The following UNKL variants were observed in gnomAD, a reference collection of about 807,000 sequenced individuals.
UNKL encodes unk like zinc finger.
UNKL carries 60 observed loss-of-function variants against 78.0 expected under a neutral mutation model. The ratio of observed to expected loss-of-function variants is 0.77; its 90% CI spans 0.63 to 0.95. UNKL has a LOEUF of 0.95. UNKL is among the 40% of genes least tolerant of loss of function. UNKL has a pLI of 0.00. For synonymous variants in UNKL, 608 were observed against 474.8 expected (o/e 1.28, Z -3.65); for missense variants, 1,159 against 1,045.7 (o/e 1.11, Z -1.49).
In UNKL at chr16:1,365,844, C is replaced by G. The variant is rs1472863989; in HGVS notation, c.*396G>C. Reference sequence around the variant, plus strand: ...CAATTTATAACCTCTAACTAAATTCCTCGGTTTACAAAGTGCTTTGAAAGA... The same window carrying G: ...CAATTTATAACCTCTAACTAAATTCGTCGGTTTACAAAGTGCTTTGAAAGA... On this transcript the variant is annotated 3_prime_UTR_variant, in exon 15 of 15. Coordinates refer to ENST00000389221, the MANE Select transcript of UNKL (RefSeq NM_001372107.1). The G allele has an allele frequency of 5.9e-6, 1 of 169,042 alleles. No individual in the cohort carries two copies. Among genetic ancestry groups the G allele is most frequent in the African/African-American group, 2.4e-5 (1 of 42,094 alleles). The allele number at this position is 169,042 out of a possible 1,614,324, so 10.5% of individuals were successfully genotyped here.
In UNKL at chr16:1,397,312, G is replaced by T. The variant is rs2037315029; in HGVS notation, c.735-17C>A. The T allele has an allele frequency of 1.4e-6, 1 of 736,576 alleles. No individual in the cohort carries two copies. Among genetic ancestry groups the T allele is most frequent in the Non-Finnish European group, 1.9e-6 (1 of 534,896 alleles). The allele number at this position is 736,576 out of a possible 1,614,324, so 45.6% of individuals were successfully genotyped here. A position where few individuals can be genotyped will look rare whatever the true frequency, so the allele number is the denominator to read the frequency against. On this transcript the variant is annotated splice_polypyrimidine_tract_variant and intron_variant, in intron 5 of 14. Transcript: ENST00000389221. Reference sequence around the variant, plus strand: ...GGCGTGGACCTGGGGATGAGGAGGTGTCAGGGGGACACAGAGGACTTGGCT... The same window carrying T: ...GGCGTGGACCTGGGGATGAGGAGGTTTCAGGGGGACACAGAGGACTTGGCT...
chr16:1,398,641 A>C, intron 5 of UNKL: 1 of 1,437,600 alleles, frequency 7.0e-7, no homozygotes, highest in Non-Finnish European at 9.1e-7. Flanking sequence ...AGGGAGGCCA[A>C]GGCCATGGCC....
intron 2 of UNKL, among the ~76,000 whole-genome samples, chr16:1,410,056 T>C (rs953695594): frequency 2.0e-5 from 3 of 151,906 alleles, no homozygotes; most frequent in Admixed American, 6.6e-5. Context: ...TCCAGTCTGG[T>C]AGATAAAGCG....
At chr16:1,379,732 A>G (rs1023365022) in intron 10 of UNKL, 3 of 942,656 alleles carry the variant, frequency 3.2e-6, no homozygotes, top group South Asian at 4.9e-5. Context: ...CCGCAACGTG[A>G]CTCGGCCCCG....
intron 8 of UNKL, 25 bp from the exon 9 acceptor site, chr16:1,390,719 G>A (rs1337669326): frequency 6.5e-7 from 1 of 1,535,580 alleles, no homozygotes; most frequent in African/African-American, 1.4e-5. Flanking sequence ...ACAGTCATAT[G>A]TGGAAAAAGC....
At chr16:1,390,722 G>A in intron 8 of UNKL, 28 bp from the exon 9 acceptor site, 1 of 1,535,102 alleles carries the variant, frequency 6.5e-7, no homozygotes, top group Non-Finnish European at 8.7e-7. Context: ...GTCATATGTG[G>A]AAAAAGCAGG....
intron 12 of UNKL, among the ~76,000 whole-genome samples, chr16:1,368,588 G>A (rs2035503865): frequency 2.8e-5 from 3 of 107,114 alleles, no homozygotes; most frequent in African/African-American, 3.6e-5. Context: ...CGGCCTGGGC[G>A]ACAGAATGAG....
At chr16:1,367,511 T>TGTCTCA in intron 13 of UNKL, 145 bp downstream of exon 13, 1 of 106,518 alleles carries the variant, frequency 9.4e-6, no homozygotes, top group Non-Finnish European at 1.3e-5. Context: ...CCTCCCTCCC[T>TGTCTCA]CCCCCTCCCG....
intron 10 of UNKL, among the ~76,000 whole-genome samples, chr16:1,377,250 C>T (rs2036304932): frequency 6.6e-6 from 1 of 152,230 alleles, no homozygotes; most frequent in South Asian, 2.1e-4. Flanking sequence ...ATGAACTCCC[C>T]ACCTCAGGTG....
At chr16:1,368,063 G>T in intron 12 of UNKL, 1 of 543,120 alleles carries the variant, frequency 1.8e-6, no homozygotes, top group East Asian at 3.1e-5. Context: ...AGTGACACCT[G>T]CCCCGGCCGG....
Position 1,363,939 on chromosome 16 carries a change from G to A in UNKL, c.*2301C>T, listed in dbSNP as rs1321044208. 6.6e-6 allele frequency: 1 copy of A among 152,170 alleles called. No homozygotes were observed. The highest frequency in any genetic ancestry group is 2.4e-5 in the African/African-American group (1 of 41,422). The allele number at this position is 152,170 out of a possible 1,614,324, so 9.4% of individuals were successfully genotyped here. A position where few individuals can be genotyped will look rare whatever the true frequency, so the allele number is the denominator to read the frequency against. ...AGCCCTGGAGACACCCTGAGGGGCGGGCGCCACCTCCTTCCCAGAAAGAGC... is the reference window on the plus strand; with the variant it reads ...AGCCCTGGAGACACCCTGAGGGGCGAGCGCCACCTCCTTCCCAGAAAGAGC... On this transcript the variant is annotated 3_prime_UTR_variant, in exon 15 of 15. Coordinates refer to ENST00000389221, the MANE Select transcript of UNKL (RefSeq NM_001372107.1).
At chr16:1,401,920 C>CA (rs1374488290) in intron 3 of UNKL, among the ~76,000 whole-genome samples, 1 of 152,216 alleles carries the variant, frequency 6.6e-6, no homozygotes, top group Non-Finnish European at 1.5e-5. Context: ...TTGTTTGAGA[C>CA]AGGGTCTGGC....
chr16:1,392,991 G>T lies in UNKL; in HGVS notation c.938-15C>A. ...CCCCAGGCTCTCTGCAAGGACAGGG[G>T]AGCAGCAGACTCTGAGGGCCGCTGG... On this transcript the variant is annotated splice_polypyrimidine_tract_variant and intron_variant, in intron 7 of 14. Coordinates refer to ENST00000389221, the MANE Select transcript of UNKL (RefSeq NM_001372107.1). 6.5e-7 allele frequency: 1 copy of T among 1,550,378 alleles called. No individual in the cohort carries two copies. Among genetic ancestry groups the T allele is most frequent in the Non-Finnish European group, 8.7e-7 (1 of 1,146,932 alleles).
At chr16:1,398,827 G>A (rs2142182945) in intron 5 of UNKL, 1 of 1,558,808 alleles carries the variant, frequency 6.4e-7, no homozygotes. Flanking sequence ...GCCAGACCCA[G>A]GGGACAGCTG....
rs907693503 is a variant in UNKL, at chr16:1,387,403, T to C, written c.1087-2018A>G. Among the ~76,000 whole-genome samples the C allele has an allele frequency of 6.6e-6, 1 of 152,186 alleles. No individual in the cohort carries two copies. On this transcript the variant is annotated intron_variant, in intron 9 of 14. Transcript: ENST00000389221. This position sits in a 1 kb window ranked among gnomAD's most constrained non-coding sequence, Gnocchi z 4.1. ...CCCGCCCCCTATCCCTTGCACTTCC[T>C]GTCCCTGCTTCAGACCCTCAGTGTG...
At chr16:1,402,487 CCT>C (rs1173166277) in intron 3 of UNKL, among the ~76,000 whole-genome samples, 2 of 151,974 alleles carry the variant, frequency 1.3e-5, no homozygotes, top group Admixed American at 6.6e-5. Flanking sequence ...ACAGTAAAAC[CCT>C]GTCTCTACTA....
At chr16:1,377,738 A>G (rs1319144573) in intron 10 of UNKL, among the ~76,000 whole-genome samples, 1 of 152,078 alleles carries the variant, frequency 6.6e-6, no homozygotes, top group African/African-American at 2.4e-5. Flanking sequence ...GCAGGGGCCA[A>G]AGCCCTTCCT....
intron 11 of UNKL, among the ~76,000 whole-genome samples, chr16:1,370,633 A>C (rs916823090): frequency 1.3e-5 from 2 of 152,150 alleles, no homozygotes; most frequent in African/African-American, 4.8e-5. Flanking sequence ...CCCCCCAAAG[A>C]GGCCGGACAC....
chr16:1,413,306 T>C (rs2038129775), intron 2 of UNKL, among the ~76,000 whole-genome samples: 2 of 141,250 alleles, frequency 1.4e-5, no homozygotes, highest in Non-Finnish European at 3.0e-5. Context: ...CGGTGGCTCA[T>C]GCCTGTCATC....
Sources: gnomAD v4.1 joint callset for allele counts (sites outside exome capture counted in the v4.1 genomes callset) on GRCh38, gnomAD v4.1.1 for gene constraint, Gnocchi (gnomAD v3.1) non-coding constraint, MANE v1.5 for transcripts, NCBI Gene and HGNC (gene_info 2026-07-23, HGNC 2026-07-21) for gene names.